The following RABGAP1 variants were observed in gnomAD, a reference collection of about 807,000 sequenced individuals.
RABGAP1 encodes the protein rab GTPase-activating protein 1.
RABGAP1 carries 23 observed loss-of-function variants against 137.6 expected under a neutral mutation model. The ratio of observed to expected loss-of-function variants is 0.17; its 90% CI spans 0.12 to 0.24. RABGAP1 has a LOEUF of 0.24. Among genes scored for constraint, RABGAP1 ranks in the 10% least tolerant of loss-of-function variants. The probability of loss-of-function intolerance (pLI) is 1.00; values close to 1 mark genes in which losing one functional copy is unlikely to be tolerated. For missense variants in RABGAP1, 906 were observed against 1,275.8 expected, an observed-to-expected ratio of 0.71 and a Z score of 4.42; for synonymous variants, 451 against 450.7, an observed-to-expected ratio of 1.00 and a Z score of -0.01.
intron 1 of RABGAP1, among the ~76,000 whole-genome samples, chr9:122,953,857 C>T (rs1834377796): frequency 6.6e-6 from 1 of 152,118 alleles, no homozygotes; most frequent in Non-Finnish European, 1.5e-5. Flanking sequence ...ATTTATCCTA[C>T]TTCTTTAACA....
rs905796229 is a variant in RABGAP1 at position 123,090,256 on chromosome 9, G to A, written c.2518-19G>A. 4.4e-6 allele frequency: 7 copies of A among 1,578,428 alleles called. No individual in the cohort carries two copies. Among genetic ancestry groups the A allele is most frequent in the Non-Finnish European group, 6.1e-6 (7 of 1,153,774 alleles). On this transcript the variant is annotated intron_variant, in intron 20 of 25. Transcript: ENST00000373647. ...TCTGATTTTTATGTGTCTGTAACTGGTTTCTTTCTACCCTTCAGCGGGAGA... is the reference window on the plus strand; with the variant it reads ...TCTGATTTTTATGTGTCTGTAACTGATTTCTTTCTACCCTTCAGCGGGAGA...
chr9:122,970,996 C>T (rs559313049), intron 2 of RABGAP1, among the ~76,000 whole-genome samples: 1 of 152,294 alleles, frequency 6.6e-6, no homozygotes, highest in East Asian at 1.9e-4. Flanking sequence ...TTGGTCTGCA[C>T]TGAGGAATTT....
At chr9:123,020,022 G>C (rs2031516161) in intron 12 of RABGAP1, among the ~76,000 whole-genome samples, 1 of 150,142 alleles carries the variant, frequency 6.7e-6, no homozygotes, top group African/African-American at 2.4e-5. Context: ...AGCTTCATCT[G>C]TGATTTCCAG....
chr9:123,033,268 T>C (rs1449156258), intron 13 of RABGAP1, among the ~76,000 whole-genome samples: 1 of 152,184 alleles, frequency 6.6e-6, no homozygotes, highest in African/African-American at 2.4e-5. Flanking sequence ...CTTTGTTCTT[T>C]GGGAAAATGC....
intron 14 of RABGAP1, among the ~76,000 whole-genome samples, chr9:123,069,856 C>A (rs1286526201): frequency 6.6e-6 from 1 of 152,116 alleles, no homozygotes; most frequent in Non-Finnish European, 1.5e-5. Context: ...TGCACTCCAG[C>A]CTGAGCAACA....
At chr9:122,969,293 A>C (rs1835344640) in intron 2 of RABGAP1, among the ~76,000 whole-genome samples, 1 of 152,220 alleles carries the variant, frequency 6.6e-6, no homozygotes. Flanking sequence ...GGGTTTATGT[A>C]AGTACACTCT....
intron 14 of RABGAP1, among the ~76,000 whole-genome samples, chr9:123,068,340 C>T (rs2034244775): frequency 7.1e-6 from 1 of 140,620 alleles, no homozygotes; most frequent in Non-Finnish European, 1.5e-5. Context: ...ACACAGGAGA[C>T]TCCATCTCAA....
chr9:122,956,480 C>G (rs1238818475), intron 1 of RABGAP1, among the ~76,000 whole-genome samples: 1 of 152,082 alleles, frequency 6.6e-6, no homozygotes, highest in Non-Finnish European at 1.5e-5. Context: ...GAAACCCCGT[C>G]TCTACGAAAA....
chr9:123,010,964 G>A (rs1030357076), intron 11 of RABGAP1, among the ~76,000 whole-genome samples: 2 of 149,280 alleles, frequency 1.3e-5, no homozygotes, highest in Non-Finnish European at 3.0e-5. Flanking sequence ...ATATTACTAT[G>A]TTTTACACTG....
chr9:122,970,711 T>C (rs1835424694), intron 2 of RABGAP1, among the ~76,000 whole-genome samples: 1 of 152,218 alleles, frequency 6.6e-6, no homozygotes, highest in Admixed American at 6.5e-5. Context: ...CTGTCACTAT[T>C]CCACCCCAAA....
At chr9:123,055,182 G>A (rs2033639884) in intron 13 of RABGAP1, among the ~76,000 whole-genome samples, 1 of 151,926 alleles carries the variant, frequency 6.6e-6, no homozygotes, top group African/African-American at 2.4e-5. Context: ...TGGACTCCTG[G>A]ATATTTCTTT....
chr9:122,936,515 T>C (rs1384667624), upstream of RABGAP1, among the ~76,000 whole-genome samples: 2 of 152,234 alleles, frequency 1.3e-5, no homozygotes, highest in Non-Finnish European at 2.9e-5. Flanking sequence ...TCAGCTTTAG[T>C]GTGATACCAG....
chr9:123,016,626 T>C (rs2031247765), intron 12 of RABGAP1, among the ~76,000 whole-genome samples: 1 of 152,234 alleles, frequency 6.6e-6, no homozygotes, highest in Admixed American at 6.5e-5. Flanking sequence ...TTTCCTTTTC[T>C]CCTTGAATAG....
chr9:122,942,118 A>T (rs150348925), intron 1 of RABGAP1, among the ~76,000 whole-genome samples: 1 of 152,360 alleles, frequency 6.6e-6, no homozygotes, highest in East Asian at 1.9e-4. Flanking sequence ...CTGGAGTAGT[A>T]AGTACACAAT....
chr9:122,933,440 A>AATTATTATTATTATTATT, the RABGAP1 span, among the ~76,000 whole-genome samples: 513 of 146,056 alleles, frequency 3.5e-3, 6 homozygotes, highest in African/African-American at 0.012. Context: ...TTTTTCATTA[A>AATTATTATTATTATTATT]ATTATTATTA....
At chr9:123,040,320 G>A (rs2032891260) in intron 13 of RABGAP1, among the ~76,000 whole-genome samples, 1 of 152,124 alleles carries the variant, frequency 6.6e-6, no homozygotes, top group African/African-American at 2.4e-5. Context: ...AGTAGATGCT[G>A]GTAATTGAGA....
chr9:123,047,919 GTTTTTTTTTTTTTTTTTTT>G (rs59639446), intron 13 of RABGAP1, among the ~76,000 whole-genome samples: 13 of 62,252 alleles, frequency 2.1e-4, no homozygotes, highest in Non-Finnish European at 3.9e-4. Flanking sequence ...CAGCTGCTGG[GTTTTTTTTTTTTTTTTTTT>G]TTTTTTTTTT....
chr9:123,082,159 A>T (rs1482517868), intron 19 of RABGAP1, among the ~76,000 whole-genome samples: 1 of 149,978 alleles, frequency 6.7e-6, no homozygotes, highest in East Asian at 2.0e-4. Flanking sequence ...TACTTCTCCT[A>T]TTCTCCCTCT....
chr9:123,044,295 G>T (rs1040835402), intron 13 of RABGAP1, among the ~76,000 whole-genome samples: 1 of 152,160 alleles, frequency 6.6e-6, no homozygotes, highest in South Asian at 2.1e-4. Context: ...GGAGGCCCAG[G>T]TATAGAACAT....
Sources: allele counts gnomAD v4.1 joint callset (sites outside exome capture counted in the v4.1 genomes callset), GRCh38; gene constraint gnomAD v4.1.1; transcripts MANE v1.5; gene names NCBI Gene and HGNC (gene_info 2026-07-23, HGNC 2026-07-21).